The following ICA1 variants were observed in gnomAD, a reference collection of about 807,000 sequenced individuals.
ICA1 encodes the protein islet cell autoantigen 1.
Under a neutral mutation model 71.0 loss-of-function variants are expected in ICA1, and 40 were observed. The ratio of observed to expected loss-of-function variants is 0.56; its 90% confidence interval spans 0.44 to 0.73. The LOEUF is 0.73. Ranked by LOEUF, ICA1 falls within the 30% of genes least tolerant of loss-of-function variation. The pLI is 0.00. For missense variants in ICA1, 578 were observed against 576.5 expected, an observed-to-expected ratio of 1.00 and a Z score of -0.03; for synonymous variants, 207 against 209.5, an observed-to-expected ratio of 0.99 and a Z score of 0.10.
chr7:8,126,704 A>G (rs1789328902), intron 13 of ICA1, among the ~76,000 whole-genome samples: 2 of 152,220 alleles, frequency 1.3e-5, no homozygotes, highest in Admixed American at 1.3e-4. Flanking sequence ...TTAGGGAGAC[A>G]GCCTAAATTC....
At chr7:8,125,093 A>G (rs1256717938) in intron 13 of ICA1, among the ~76,000 whole-genome samples, 3 of 152,084 alleles carry the variant, frequency 2.0e-5, no homozygotes, top group Non-Finnish European at 4.4e-5. Flanking sequence ...CCGGGTGGTA[A>G]CTCCTTTAAC....
chr7:8,255,109 T>C (rs1809609817), intron 1 of ICA1, among the ~76,000 whole-genome samples: 1 of 152,288 alleles, frequency 6.6e-6, no homozygotes, highest in East Asian at 1.9e-4. Context: ...CTGCCCACCT[T>C]AGTCCATCTT....
At chr7:8,143,542 C>T (rs1488940836) in intron 9 of ICA1, among the ~76,000 whole-genome samples, 1 of 152,110 alleles carries the variant, frequency 6.6e-6, no homozygotes, top group Non-Finnish European at 1.5e-5. Flanking sequence ...CAGATAGGGT[C>T]CAGAAACCAG....
chr7:8,124,148 T>G (rs1354148098), intron 13 of ICA1, among the ~76,000 whole-genome samples: 1 of 132,060 alleles, frequency 7.6e-6, no homozygotes, highest in Admixed American at 8.7e-5. Context: ...TGAGACGGAG[T>G]CTCGCTCTGT....
At chr7:8,235,808 A>C (rs1372094554) in intron 2 of ICA1, 102 bp downstream of exon 2, 4 of 1,205,620 alleles carry the variant, frequency 3.3e-6, no homozygotes, top group Non-Finnish European at 4.9e-6. Flanking sequence ...CATGATACTT[A>C]CTGCCAATGT....
intron 1 of ICA1, among the ~76,000 whole-genome samples, chr7:8,246,710 G>T (rs1189294130): frequency 6.6e-6 from 1 of 152,224 alleles, no homozygotes; most frequent in Non-Finnish European, 1.5e-5. Context: ...CAGGTTTTCT[G>T]TTGGGATCCT....
intron 6 of ICA1, among the ~76,000 whole-genome samples, chr7:8,164,671 T>C (rs191988597): frequency 6.6e-6 from 1 of 152,356 alleles, no homozygotes; most frequent in Admixed American, 6.5e-5. Flanking sequence ...TGAGGCAACA[T>C]CCTGCATTCA....
intron 8 of ICA1, among the ~76,000 whole-genome samples, chr7:8,145,108 GAGTAA>G (rs1184039755): frequency 6.6e-6 from 1 of 152,196 alleles, no homozygotes; most frequent in Non-Finnish European, 1.5e-5. Flanking sequence ...TCTCTGCACA[GAGTAA>G]TTTTCCTAAA....
At chr7:8,244,317 C>G (rs550557056) in intron 1 of ICA1, among the ~76,000 whole-genome samples, 64 of 152,274 alleles carry the variant, frequency 4.2e-4, no homozygotes, top group African/African-American at 1.3e-3. Context: ...AAAGGATTCC[C>G]TATTTAATAA....
In ICA1 at chr7:8,156,840, A is replaced by G. The variant is rs1294231825; in HGVS notation, c.804+276T>C. The G allele has an allele frequency of 6.7e-6, 10 of 1,489,416 alleles. No homozygotes were observed. In the South Asian group the frequency reaches 8.5e-5, roughly 13 times the overall value. The allele number at this position is 1,489,416 out of a possible 1,614,324, so 92.3% of individuals were successfully genotyped here. ...ATTAGACTCAAGTTCACCACAATTCATCTCCCAGGAACATGTATCTCAAGG... is the reference window on the plus strand; with the variant it reads ...ATTAGACTCAAGTTCACCACAATTCGTCTCCCAGGAACATGTATCTCAAGG... On this transcript the variant is annotated intron_variant, in intron 8 of 13. Transcript: ENST00000402384.
At chr7:8,195,760 A>G (rs1445111559) in intron 6 of ICA1, among the ~76,000 whole-genome samples, 1 of 151,672 alleles carries the variant, frequency 6.6e-6, no homozygotes, top group East Asian at 1.9e-4. Flanking sequence ...CGGGAGGATC[A>G]CGAGGTCAGG....
chr7:8,176,049 G>C (rs1780536118), intron 6 of ICA1, among the ~76,000 whole-genome samples: 1 of 152,176 alleles, frequency 6.6e-6, no homozygotes, highest in Non-Finnish European at 1.5e-5. Context: ...TTTTACAGAG[G>C]AGAAAGCTTA....
chr7:8,157,339 G>T, intron 7 of ICA1, 125 bp from the exon 8 acceptor site: 1 of 970,728 alleles, frequency 1.0e-6, no homozygotes, highest in Non-Finnish European at 1.5e-6. Flanking sequence ...TCATTTCCAT[G>T]CTTCCCATTA....
At chr7:8,224,690 T>C (rs1010439217) in intron 4 of ICA1, among the ~76,000 whole-genome samples, 2 of 152,200 alleles carry the variant, frequency 1.3e-5, no homozygotes, top group South Asian at 2.1e-4. Flanking sequence ...AGTTTTTTCA[T>C]TGACATTCTT....
intron 1 of ICA1, among the ~76,000 whole-genome samples, chr7:8,256,387 C>A (rs1468051855): frequency 6.6e-6 from 1 of 152,172 alleles, no homozygotes; most frequent in Non-Finnish European, 1.5e-5. Context: ...CTCTCCTCCC[C>A]ACCCTCCGAT....
rs542418329 is a variant in ICA1, at chr7:8,113,730, A to T, written c.*193T>A. On this transcript the variant is annotated 3_prime_UTR_variant, in exon 14 of 14. Coordinates refer to ENST00000402384, the MANE Select transcript of ICA1 (RefSeq NM_001136020.3). This position sits in a 1 kb window ranked among gnomAD's most constrained non-coding sequence, Gnocchi z 4.2. Reference sequence around the variant, plus strand: ...AATCCTGTATTATTTAGATCCACATAGAGATACACGAAAACCCTTTATACC... The same window carrying T: ...AATCCTGTATTATTTAGATCCACATTGAGATACACGAAAACCCTTTATACC... 1.9e-5 allele frequency: 11 copies of T among 570,260 alleles called. No individual in the cohort carries two copies. The East Asian group carries it at 3.5e-4, about 18-fold the overall frequency. 35.3% of individuals were successfully genotyped at this position (570,260 alleles called of 1,614,324 possible).
Position 8,180,070 on chromosome 7 carries a change from G to GT in ICA1, c.580-21419dup, listed in dbSNP as rs965171223. ...CTTACACTGAAGTGCAAAATATACA[G>GT]TTTTTTTTGCTCCATACACTTTTAA... On this transcript the variant is annotated intron_variant, in intron 6 of 13. Coordinates refer to ENST00000402384, the MANE Select transcript of ICA1 (RefSeq NM_001136020.3). Among the ~76,000 whole-genome samples, 306 of 151,486 alleles carry GT rather than the reference G, an allele frequency of 2.0e-3. 1 individual carries two copies. Among genetic ancestry groups the GT allele is most frequent in the South Asian group, 8.8e-3 (42 of 4,776 alleles).
At chr7:8,209,586 C>G (rs1196694969) in intron 6 of ICA1, among the ~76,000 whole-genome samples, 1 of 151,928 alleles carries the variant, frequency 6.6e-6, no homozygotes, top group Non-Finnish European at 1.5e-5. Flanking sequence ...ATTCTTGAAC[C>G]CCAATTGCAT....
Position 8,113,941 on chromosome 7 carries a change from G to T in ICA1, c.1434C>A (p.His478Gln), listed in dbSNP as rs779698344. Reference protein sequence around the residue: ...PDAVGKTDKEHELLNA With the variant: ...PDAVGKTDKEQELLNA ...TACAGATTCATGCATTGAGCAATTC[G>T]TGTTCTTTATCGGTTTTCCCAACAG... The change falls in exon 14 of 14, where the codon CAC becomes CAA. Residue 478 changes from histidine to glutamine, a missense_variant. By Grantham distance (24) the His-to-Gln change is conservative. Coordinates refer to ENST00000402384, the MANE Select transcript of ICA1 (RefSeq NM_001136020.3). The surrounding 1 kb of genome is among the most constrained non-coding windows in gnomAD (Gnocchi z 4.2). 1 of 1,614,134 alleles carries T rather than the reference G, an allele frequency of 6.2e-7. No homozygotes were observed. Among genetic ancestry groups the T allele is most frequent in the Non-Finnish European group, 8.5e-7 (1 of 1,180,000 alleles).
Sources: gnomAD v4.1 joint callset for allele counts (sites outside exome capture counted in the v4.1 genomes callset) on GRCh38, gnomAD v4.1.1 for gene constraint, Gnocchi (gnomAD v3.1) non-coding constraint, MANE v1.5 for transcripts, NCBI Gene and HGNC (gene_info 2026-07-23, HGNC 2026-07-21) for gene names.